SPIRE2: variants seen among roughly 807,000 people sequenced by gnomAD.
The protein encoded by SPIRE2 is protein spire homolog 2.
SPIRE2 carries 76 observed loss-of-function variants against 80.7 expected under a neutral mutation model. That is an observed-to-expected ratio of 0.94 (90% confidence interval 0.78 to 1.14). The LOEUF is 1.14. Among genes scored for constraint, SPIRE2 ranks in the 50% most tolerant of loss-of-function variants. SPIRE2 has a pLI of 0.00. For missense variants in SPIRE2, 1,196 were observed against 1,015.3 expected (o/e 1.18, Z -2.42); for synonymous variants, 535 against 432.6 (o/e 1.24, Z -2.94).
chr16:89,833,827 G>T (rs2041412083), intron 1 of SPIRE2, among the ~76,000 whole-genome samples: 1 of 152,172 alleles, frequency 6.6e-6, no homozygotes, highest in Admixed American at 6.5e-5. Context: ...ACCCGGTGGG[G>T]GCTGGGAGCT....
At chr16:89,844,670 CGTT>C (rs1200818426) in intron 1 of SPIRE2, among the ~76,000 whole-genome samples, 2 of 152,110 alleles carry the variant, frequency 1.3e-5, no homozygotes, top group East Asian at 1.9e-4. Flanking sequence ...GATCTCCTGA[CGTT>C]GTGATCCGCC....
intron 1 of SPIRE2, among the ~76,000 whole-genome samples, chr16:89,843,672 TTTTTTTTTGTTTGTTTTTGTTTTTTG>T (rs1188166910): frequency 1.3e-4 from 7 of 55,212 alleles, no homozygotes; most frequent in Non-Finnish European, 1.8e-4. Context: ...GCCACGTTTT[TTTTTTTTTGTTTGTTTTTGTTTTTTG>T]TTTTTTTTTT....
chr16:89,855,740 T>C, intron 6 of SPIRE2, 54 bp downstream of exon 6: 1 of 1,559,646 alleles, frequency 6.4e-7, no homozygotes, highest in South Asian at 1.1e-5. Context: ...GGTGCTGTCC[T>C]GTAGCCAGCC....
chr16:89,839,114 G>T (rs2041478889), intron 1 of SPIRE2, among the ~76,000 whole-genome samples: 1 of 152,100 alleles, frequency 6.6e-6, no homozygotes, highest in South Asian at 2.1e-4. Context: ...GGCCAAGGCG[G>T]GTGGATCACG....
intron 1 of SPIRE2, among the ~76,000 whole-genome samples, chr16:89,844,139 G>A (rs1356770025): frequency 6.6e-6 from 1 of 151,144 alleles, no homozygotes; most frequent in African/African-American, 2.4e-5. Context: ...CTGCCACCAC[G>A]CCTGGCTAAT....
Position 89,828,737 on chromosome 16 carries a change from G to C in SPIRE2, c.187G>C (p.Gly63Arg). The C allele has an allele frequency of 8.1e-7, 1 of 1,233,634 alleles. No individual in the cohort carries two copies. Among genetic ancestry groups the C allele is most frequent in the South Asian group, 3.2e-5 (1 of 31,046 alleles). 76.4% of individuals were successfully genotyped at this position (1,233,634 alleles called of 1,614,324 possible). A position where few individuals can be genotyped will look rare whatever the true frequency, so the allele number is the denominator to read the frequency against. ...GCCGGGCCGGCGCCTGCGGGATACC[G>C]GGGACCTCCTGCTGCGCGGGGACGG... The part of the protein sequence containing the change: ...GSPGRRLRDT[G>R]DLLLRGDGSV... The change falls in exon 1 of 15, where the codon GGG becomes CGG. Residue 63 changes from glycine (G) to arginine (R), a missense_variant. Physicochemically the swap from Gly to Arg is moderately radical, Grantham distance 125. Transcript: ENST00000378247. This position sits in a 1 kb window ranked among gnomAD's most constrained non-coding sequence, Gnocchi z 5.9.
Position 89,848,723 on chromosome 16 carries a change from G to A in SPIRE2, c.289-1581G>A, listed in dbSNP as rs184439467. On this transcript the variant is annotated intron_variant, in intron 2 of 14. Coordinates refer to ENST00000378247, the MANE Select transcript of SPIRE2 (RefSeq NM_032451.2). The stretch of plus-strand genomic sequence containing the variant: ...TCTGCAGTGTTTCTACAGGACAGAC[G>A]AGGCAGGTTCCAGGGCCTTCTGTGG... Among the ~76,000 whole-genome samples, 308 of 148,464 alleles carry A rather than the reference G, an allele frequency of 2.1e-3. 2 individuals are homozygous for A. Among genetic ancestry groups the A allele is most frequent in the African/African-American group, 7.1e-3 (283 of 39,782 alleles).
chr16:89,855,849 G>A, intron 6 of SPIRE2, 163 bp downstream of exon 6: 1 of 900,962 alleles, frequency 1.1e-6, no homozygotes, highest in Non-Finnish European at 1.7e-6. Flanking sequence ...TTGCCTGTGT[G>A]CCAGCCCGGG....
At chr16:89,845,942 G>C (rs2041554935) in intron 2 of SPIRE2, 2 of 351,298 alleles carry the variant, frequency 5.7e-6, no homozygotes, top group Non-Finnish European at 1.0e-5. Context: ...TGTCGCCCAG[G>C]CTGGAGTGCA....
In SPIRE2 at chr16:89,870,662, G is replaced by C. The variant is rs1259642321; in HGVS notation, c.*390G>C. The C allele has an allele frequency of 5.5e-6, 1 of 183,188 alleles. No individual in the cohort carries two copies. Among genetic ancestry groups the C allele is most frequent in the Non-Finnish European group, 1.2e-5 (1 of 84,810 alleles). The allele number at this position is 183,188 out of a possible 1,614,324, so 11.3% of individuals were successfully genotyped here. A position where few individuals can be genotyped will look rare whatever the true frequency, so the allele number is the denominator to read the frequency against. ...CCAGTGGACGTCTAGGTGGGGACAG[G>C]GTATCTTGGCTCCCAGCTGGACCAG... On this transcript the variant is annotated 3_prime_UTR_variant, in exon 15 of 15. Transcript: ENST00000378247.
At chr16:89,869,827 G>A (rs12925970) in intron 14 of SPIRE2, 145 bp downstream of exon 14, 3 of 739,088 alleles carry the variant, frequency 4.1e-6, no homozygotes, top group Admixed American at 2.1e-5. Context: ...GGATCGTTGT[G>A]TAGGGCTCTG....
chr16:89,841,201 A>G (rs1598220061), intron 1 of SPIRE2, among the ~76,000 whole-genome samples: 3 of 149,716 alleles, frequency 2.0e-5, no homozygotes, highest in Non-Finnish European at 3.0e-5. Context: ...AAAAAAAAGG[A>G]AAAAGAAACT....
At chr16:89,855,311 C>T (rs2041679707) in intron 5 of SPIRE2, among the ~76,000 whole-genome samples, 1 of 152,120 alleles carries the variant, frequency 6.6e-6, no homozygotes, top group Admixed American at 6.5e-5. Flanking sequence ...TTATGATGCC[C>T]CTGTGAGGTG....
rs759810198 is a variant in SPIRE2 at position 89,858,475 on chromosome 16, T to C, written c.1240T>C (p.Leu414=). 7 of 1,605,268 alleles carry C rather than the reference T, an allele frequency of 4.4e-6. 1 individual carries two copies. In the South Asian group the frequency reaches 7.8e-5, roughly 18 times the overall value. ...RPRVLLKAPT[L]AEMEEMNTSE... is the part of the protein sequence containing the mutation. ...CCGCGTGCTGCTCAAGGCGCCTACC[T>C]TGGCTGAAATGGAAGAGATGAATAC... The change falls in exon 8 of 15, where the codon TTG becomes CTG. Residue 414 remains leucine, a synonymous_variant. Coordinates refer to ENST00000378247, the MANE Select transcript of SPIRE2 (RefSeq NM_032451.2).
chr16:89,829,812 T>C (rs79244293), intron 1 of SPIRE2, among the ~76,000 whole-genome samples: 10,606 of 151,484 alleles, frequency 0.07, 946 homozygotes, highest in East Asian at 0.24. Context: ...TGGAGAAACC[T>C]GAGGCGCAGG....
intron 1 of SPIRE2, among the ~76,000 whole-genome samples, chr16:89,840,208 T>A (rs2041490943): frequency 6.6e-6 from 1 of 150,698 alleles, no homozygotes; most frequent in Non-Finnish European, 1.5e-5. Context: ...GCAGCAAATG[T>A]CCCACAGACA....
intron 1 of SPIRE2, among the ~76,000 whole-genome samples, chr16:89,838,945 G>C (rs990302338): frequency 6.6e-6 from 1 of 151,872 alleles, no homozygotes; most frequent in Non-Finnish European, 1.5e-5. Context: ...GGCCAGGCTG[G>C]TCTTGAACCT....
At chr16:89,839,079 C>T (rs140635976) in intron 1 of SPIRE2, among the ~76,000 whole-genome samples, 133 of 151,714 alleles carry the variant, frequency 8.8e-4, no homozygotes, top group Non-Finnish European at 2.7e-4. Flanking sequence ...CTGTGGCTCA[C>T]GCCTGTAATC....
chr16:89,850,140 A>C, intron 2 of SPIRE2, 164 bp from the exon 3 acceptor site: 2 of 726,828 alleles, frequency 2.8e-6, no homozygotes, highest in Non-Finnish European at 4.9e-6. Context: ...CCGGCCGGGA[A>C]CATCCTTTTC....
Sources: allele counts gnomAD v4.1 joint callset (sites outside exome capture counted in the v4.1 genomes callset), GRCh38; gene constraint gnomAD v4.1.1; non-coding constraint Gnocchi (gnomAD v3.1); transcripts MANE v1.5; gene names NCBI Gene and HGNC (gene_info 2026-07-23, HGNC 2026-07-21).